SLC25A43: variants seen among roughly 807,000 people sequenced by gnomAD.
SLC25A43 encodes solute carrier family 25 member 43, also known as solute carrier family 25, member 43.
In SLC25A43, 10 loss-of-function variants were observed where a neutral mutation model predicts 22.8. That is an observed-to-expected ratio of 0.44 (90% CI 0.27 to 0.74). SLC25A43 has a LOEUF of 0.74. Ranked by LOEUF, SLC25A43 falls within the 30% of genes least tolerant of loss-of-function variation. The pLI is 0.17. For synonymous variants in SLC25A43, 106 were observed against 121.6 expected, an observed-to-expected ratio of 0.87 and a Z score of 0.84; for missense variants, 233 against 279.1, an observed-to-expected ratio of 0.83 and a Z score of 1.18.
intron 3 of SLC25A43, among the ~76,000 whole-genome samples, chrX:119,425,533 T>C (rs2052495704): frequency 9.1e-6 from 1 of 109,765 alleles, no homozygotes; most frequent in Non-Finnish European, 1.9e-5. Context: ...CTTTAGTTTG[T>C]TGTATTTTCA....
intron 3 of SLC25A43, among the ~76,000 whole-genome samples, chrX:119,446,151 CAAAAAAAAAA>C (rs3078475): frequency 2.6e-5 from 1 of 38,699 alleles, no homozygotes; most frequent in Non-Finnish European, 4.2e-5. Flanking sequence ...GACTCCATCT[CAAAAAAAAAA>C]AAAAAAAAAA....
intron 3 of SLC25A43, among the ~76,000 whole-genome samples, chrX:119,445,523 C>A (rs984324157): frequency 9.0e-6 from 1 of 111,299 alleles, no homozygotes; most frequent in Non-Finnish European, 1.9e-5. Flanking sequence ...CTGTTAGGGG[C>A]AGCATAAGTT....
chrX:119,431,880 G>A (rs1427303805), intron 3 of SLC25A43, among the ~76,000 whole-genome samples: 1 of 111,143 alleles, frequency 9.0e-6, no homozygotes, highest in Non-Finnish European at 1.9e-5. Flanking sequence ...GAGGCCAGGG[G>A]CGGTGGCTCA....
intron 1 of SLC25A43, among the ~76,000 whole-genome samples, chrX:119,401,002 G>A (rs1275782678): frequency 2.7e-5 from 3 of 111,366 alleles, no homozygotes; most frequent in Admixed American, 1.9e-4. Context: ...AGGGGTGGGG[G>A]GCAGAACTTC....
At chrX:119,399,769 G>A in intron 1 of SLC25A43, 91 bp downstream of exon 1, 1 of 930,246 alleles carries the variant, frequency 1.1e-6, no homozygotes, top group East Asian at 4.2e-5. Context: ...GCCTGGACTC[G>A]GGGCCCTGGA....
At chrX:119,432,458 A>G (rs896646199) in intron 3 of SLC25A43, among the ~76,000 whole-genome samples, 1 of 111,768 alleles carries the variant, frequency 8.9e-6, no homozygotes. Flanking sequence ...TGGCCTCTCT[A>G]CTTTTATATA....
chrX:119,454,392 TAC>T lies in SLC25A43; in HGVS notation c.*1335_*1336del, dbSNP rs1382291357. On this transcript the variant is annotated 3_prime_UTR_variant, in exon 5 of 5. Coordinates refer to ENST00000217909, the MANE Select transcript of SLC25A43 (RefSeq NM_145305.3). ...TATCTAACATAAAATTGTTAATTTA[TAC>T]ACACACATACACTCATACATAGAGA... The T allele has an allele frequency of 8.9e-6, 1 of 112,420 alleles. No individual in the cohort carries two copies. The highest frequency in any genetic ancestry group is 2.8e-4 in the East Asian group (1 of 3,630). 9.3% of individuals were successfully genotyped at this position (112,420 alleles called of 1,213,427 possible). A position where few individuals can be genotyped will look rare whatever the true frequency, so the allele number is the denominator to read the frequency against.
At chrX:119,401,170 T>C (rs1439989720) in intron 1 of SLC25A43, among the ~76,000 whole-genome samples, 1 of 111,598 alleles carries the variant, frequency 9.0e-6, no homozygotes, top group Non-Finnish European at 1.9e-5. Flanking sequence ...ATGACACCTC[T>C]TGTCAGTGAC....
chrX:119,441,805 C>T (rs1335586120), intron 3 of SLC25A43, among the ~76,000 whole-genome samples: 1 of 111,477 alleles, frequency 9.0e-6, no homozygotes, highest in Non-Finnish European at 1.9e-5. Flanking sequence ...AATCACTGTA[C>T]GTGGCCAGGC....
At chrX:119,446,516 A>T (rs2052669704) in intron 3 of SLC25A43, among the ~76,000 whole-genome samples, 1 of 112,688 alleles carries the variant, frequency 8.9e-6, no homozygotes, top group African/African-American at 3.2e-5. Flanking sequence ...CAATAGTAAT[A>T]TGGACTACAT....
At chrX:119,405,625 C>T (rs1189330922) in intron 1 of SLC25A43, among the ~76,000 whole-genome samples, 1 of 89,604 alleles carries the variant, frequency 1.1e-5, no homozygotes, top group Non-Finnish European at 2.2e-5. Flanking sequence ...AAAAAAATAG[C>T]CAGGCATGGT....
At chrX:119,411,712 G>A (rs1228182444) in intron 3 of SLC25A43, among the ~76,000 whole-genome samples, 1 of 111,071 alleles carries the variant, frequency 9.0e-6, no homozygotes, top group African/African-American at 3.3e-5. Flanking sequence ...CTGAGGTGCT[G>A]TATCTTCTCT....
chrX:119,399,386 G>A lies in SLC25A43; in HGVS notation c.-18G>A, dbSNP rs2147244825. 1 of 983,170 alleles carries A rather than the reference G, an allele frequency of 1.0e-6. No individual in the cohort carries two copies. Among genetic ancestry groups the A allele is most frequent in the Non-Finnish European group, 1.3e-6 (1 of 781,977 alleles). 81.0% of individuals were successfully genotyped at this position (983,170 alleles called of 1,213,427 possible). ...CAGGCCCGAGCCACGCGGTCTTCCG[G>A]GCCCGGGTCGGGGCTCGATGGCTAC... On this transcript the variant is annotated 5_prime_UTR_variant, in exon 1 of 5. Transcript: ENST00000217909.
chrX:119,433,023 G>A (rs1486312036), intron 3 of SLC25A43, among the ~76,000 whole-genome samples: 8 of 110,903 alleles, frequency 7.2e-5, no homozygotes, highest in South Asian at 3.8e-4. Flanking sequence ...GTTTGAACCC[G>A]GGAGGCAGAG....
chrX:119,442,997 A>T (rs965314548), intron 3 of SLC25A43, among the ~76,000 whole-genome samples: 23 of 112,092 alleles, frequency 2.1e-4, no homozygotes, highest in African/African-American at 7.5e-4. Context: ...TTCACAGAAC[A>T]CTAGGAAAAA....
intron 3 of SLC25A43, among the ~76,000 whole-genome samples, chrX:119,447,902 C>T (rs1470544682): frequency 6.3e-5 from 7 of 111,087 alleles, no homozygotes; most frequent in Non-Finnish European, 1.1e-4. Context: ...ATTATGTCTC[C>T]GGCCCTGACC....
At chrX:119,409,457 C>T (rs1204855767) in intron 2 of SLC25A43, among the ~76,000 whole-genome samples, 2 of 106,708 alleles carry the variant, frequency 1.9e-5, no homozygotes, top group African/African-American at 3.4e-5. Flanking sequence ...CCGCCCACCT[C>T]GGCCTCCCAA....
At chrX:119,409,182 T>G (rs2052325340) in intron 2 of SLC25A43, among the ~76,000 whole-genome samples, 1 of 108,671 alleles carries the variant, frequency 9.2e-6, no homozygotes, top group South Asian at 3.9e-4. Flanking sequence ...ATTTATTTAT[T>G]TATTTATTTA....
intron 3 of SLC25A43, among the ~76,000 whole-genome samples, chrX:119,433,213 G>A (rs1356957318): frequency 8.9e-6 from 1 of 112,283 alleles, no homozygotes; most frequent in Non-Finnish European, 1.9e-5. Context: ...TTGGGCATGG[G>A]TGACTAGGGA....
Sources: allele counts gnomAD v4.1 joint callset (sites outside exome capture counted in the v4.1 genomes callset), GRCh38; gene constraint gnomAD v4.1.1; transcripts MANE v1.5; gene names NCBI Gene and HGNC (gene_info 2026-07-23, HGNC 2026-07-21).